Variants in UBASH3B observed in about 807,000 individuals in gnomAD.
UBASH3B encodes ubiquitin-associated and SH3 domain-containing protein B.
A neutral mutation model predicts 83.4 loss-of-function variants in UBASH3B; 37 were observed. The ratio of observed to expected loss-of-function variants is 0.44; its 90% CI spans 0.34 to 0.58. UBASH3B has a LOEUF of 0.58. UBASH3B is among the 20% of genes least tolerant of loss of function. The pLI is 0.01. For synonymous variants in UBASH3B, 304 were observed against 318.3 expected (o/e 0.96, Z 0.48); for missense variants, 657 against 827.2 (o/e 0.79, Z 2.52).
At chr11:122,675,019 G>A (rs1294869176) in intron 1 of UBASH3B, among the ~76,000 whole-genome samples, 1 of 152,114 alleles carries the variant, frequency 6.6e-6, no homozygotes, top group East Asian at 1.9e-4. Context: ...ATAAGCCACC[G>A]TGCCTGGCCT....
rs1218306996 is a variant in UBASH3B, at chr11:122,655,980, C to G, written c.-70C>G. On this transcript the variant is annotated 5_prime_UTR_variant, in exon 1 of 14. Coordinates refer to ENST00000284273, the MANE Select transcript of UBASH3B (RefSeq NM_032873.5). The stretch of plus-strand genomic sequence containing the variant: ...CCCCGAGCCCCCTCCCCTGGCCCAG[C>G]CCGACTCCCTCCTCCTTCCCGAACC... 2.9e-6 allele frequency: 4 copies of G among 1,385,466 alleles called. No individual in the cohort carries two copies. In the East Asian group the frequency reaches 1.2e-4, roughly 42 times the overall value. 85.8% of individuals were successfully genotyped at this position (1,385,466 alleles called of 1,614,324 possible).
At chr11:122,769,505 T>C (rs1294389663) in intron 1 of UBASH3B, among the ~76,000 whole-genome samples, 2 of 152,180 alleles carry the variant, frequency 1.3e-5, no homozygotes, top group Non-Finnish European at 2.9e-5. Context: ...TTTCTTCTAC[T>C]AGAGAAACAA....
intron 1 of UBASH3B, among the ~76,000 whole-genome samples, chr11:122,676,260 C>T (rs1026614583): frequency 1.3e-5 from 2 of 151,966 alleles, no homozygotes; most frequent in Non-Finnish European, 2.9e-5. Flanking sequence ...CAACAACTGG[C>T]TGGGCAGGAT....
Position 122,794,732 on chromosome 11 carries a change from C to T in UBASH3B, c.1011C>T (p.Ser337=). ...GSYSILNTSS[S]NSLTFGDGVL... is the part of the protein sequence containing the mutation. ...ATTCAATCTTAAATACATCGTCATC[C>T]AACTCTCTCACGTTTGGGGATGGAG... The change falls in exon 7 of 14, where the codon TCC becomes TCT. Residue 337 remains serine, a synonymous_variant. Coordinates refer to ENST00000284273, the MANE Select transcript of UBASH3B (RefSeq NM_032873.5). 1 of 1,614,080 alleles carries T rather than the reference C, an allele frequency of 6.2e-7. No individual in the cohort carries two copies.
intron 1 of UBASH3B, among the ~76,000 whole-genome samples, chr11:122,699,544 TC>T (rs1445498328): frequency 7.8e-6 from 1 of 129,006 alleles, no homozygotes; most frequent in African/African-American, 3.5e-5. Flanking sequence ...TTTCTTTCTT[TC>T]TTTCTTTCTT....
intron 1 of UBASH3B, among the ~76,000 whole-genome samples, chr11:122,695,622 G>A (rs767513922): frequency 1.3e-5 from 2 of 151,582 alleles, no homozygotes; most frequent in South Asian, 2.1e-4. Context: ...CTTTTTCCCC[G>A]TTATCCATCA....
chr11:122,760,453 C>T (rs1166092783), intron 1 of UBASH3B, among the ~76,000 whole-genome samples: 7 of 152,144 alleles, frequency 4.6e-5, no homozygotes, highest in South Asian at 2.1e-4. Context: ...CTCCGCCTCC[C>T]GGGTTCAAGC....
chr11:122,716,899 C>T (rs556754388), intron 1 of UBASH3B, among the ~76,000 whole-genome samples: 86 of 152,178 alleles, frequency 5.7e-4, no homozygotes, highest in African/African-American at 2.0e-3. Context: ...GCTCTTCTAG[C>T]CTCACAATTT....
At chr11:122,752,522 T>G (rs374626348) in intron 1 of UBASH3B, among the ~76,000 whole-genome samples, 143 of 152,320 alleles carry the variant, frequency 9.4e-4, no homozygotes, top group African/African-American at 3.3e-3. Flanking sequence ...AGGAAGCTCC[T>G]GCAAAATGAA....
chr11:122,749,321 T>C (rs945195372), intron 1 of UBASH3B, among the ~76,000 whole-genome samples: 4 of 152,274 alleles, frequency 2.6e-5, no homozygotes, highest in African/African-American at 9.6e-5. Context: ...ATGGATGCTA[T>C]AATTAGCACA....
chr11:122,814,387 C>T lies in UBASH3B; in HGVS notation c.*4501C>T, dbSNP rs1421890109. On this transcript the variant is annotated 3_prime_UTR_variant, in exon 14 of 14. Coordinates refer to ENST00000284273, the MANE Select transcript of UBASH3B (RefSeq NM_032873.5). ...CTCTCCCCTGTTGATACAGCTATGGCACCATTGTAATTACAGATGCACCTT... is the reference window on the plus strand; with the variant it reads ...CTCTCCCCTGTTGATACAGCTATGGTACCATTGTAATTACAGATGCACCTT... 2 of 152,610 alleles carry T rather than the reference C, an allele frequency of 1.3e-5. No homozygotes were observed. Among genetic ancestry groups the T allele is most frequent in the Non-Finnish European group, 2.9e-5 (2 of 68,058 alleles). 9.5% of individuals were successfully genotyped at this position (152,610 alleles called of 1,614,324 possible).
At chr11:122,720,668 G>A (rs754781923) in intron 1 of UBASH3B, among the ~76,000 whole-genome samples, 1 of 152,092 alleles carries the variant, frequency 6.6e-6, no homozygotes. Flanking sequence ...CACTACACAC[G>A]CCATTGCCTG....
rs370718813 is a variant in UBASH3B, at chr11:122,761,119, A to C, written c.162-15100A>C. Reference sequence around the variant, plus strand: ...AATCTTCACGAGAGTGTCAGTTGGCAGGGCCGAGGTGGCAGAGGAGGGTTT... The same window carrying C: ...AATCTTCACGAGAGTGTCAGTTGGCCGGGCCGAGGTGGCAGAGGAGGGTTT... On this transcript the variant is annotated intron_variant, in intron 1 of 13. Coordinates refer to ENST00000284273, the MANE Select transcript of UBASH3B (RefSeq NM_032873.5). Among the ~76,000 whole-genome samples, 35 of 152,294 alleles carry C rather than the reference A, an allele frequency of 2.3e-4. No homozygotes were observed. In the South Asian group the frequency reaches 7.3e-3, roughly 32 times the overall value.
intron 1 of UBASH3B, among the ~76,000 whole-genome samples, chr11:122,710,120 C>A (rs1416411645): frequency 8.9e-5 from 13 of 146,040 alleles, no homozygotes; most frequent in Admixed American, 1.4e-4. Context: ...CATACCACTG[C>A]ACTCCAGCCT....
intron 10 of UBASH3B, 87 bp from the exon 11 acceptor site, chr11:122,801,101 A>C (rs1184496945): frequency 6.6e-7 from 1 of 1,508,722 alleles, no homozygotes; most frequent in Admixed American, 1.8e-5. Context: ...TAGGAAAGAG[A>C]ATAGCTGATT....
intron 1 of UBASH3B, among the ~76,000 whole-genome samples, chr11:122,701,048 T>C (rs902071357): frequency 1.3e-5 from 2 of 152,208 alleles, no homozygotes; most frequent in African/African-American, 4.8e-5. Context: ...CTGTTTCATA[T>C]TAAAAATTCC....
chr11:122,703,934 C>G (rs920919185), intron 1 of UBASH3B, among the ~76,000 whole-genome samples: 14 of 152,212 alleles, frequency 9.2e-5, no homozygotes, highest in Non-Finnish European at 1.6e-4. Flanking sequence ...AGGGGCTGTC[C>G]TTCCCTATCT....
chr11:122,797,658 T>C (rs955288758), intron 9 of UBASH3B, among the ~76,000 whole-genome samples: 2 of 152,122 alleles, frequency 1.3e-5, no homozygotes, highest in Non-Finnish European at 2.9e-5. Flanking sequence ...CCAGACATAG[T>C]GATATGCATA....
intron 11 of UBASH3B, among the ~76,000 whole-genome samples, chr11:122,801,793 G>T (rs1254843335): frequency 6.6e-6 from 1 of 152,078 alleles, no homozygotes; most frequent in Non-Finnish European, 1.5e-5. Context: ...TTATGTATGA[G>T]AGAGTTCAAA....
Sources: gnomAD v4.1 joint callset for allele counts (sites outside exome capture counted in the v4.1 genomes callset) on GRCh38, gnomAD v4.1.1 for gene constraint, MANE v1.5 for transcripts, NCBI Gene and HGNC (gene_info 2026-07-23, HGNC 2026-07-21) for gene names.